ABCA13: variants seen among roughly 807,000 people sequenced by gnomAD.
The protein encoded by ABCA13 is ATP-binding cassette sub-family A member 13.
A neutral mutation model predicts 478.7 loss-of-function variants in ABCA13; 476 were observed. The observed-to-expected ratio is 0.99, with a 90% CI of 0.92 to 1.07. The LOEUF is 1.07. Ranked by LOEUF, ABCA13 falls within the 50% of genes least tolerant of loss-of-function variation. ABCA13 has a pLI of 0.00. For synonymous variants in ABCA13, 2,252 were observed against 2,158.9 expected (o/e 1.04, Z -1.20); for missense variants, 6,060 against 5,910.6 (o/e 1.03, Z -0.83).
At chr7:48,533,096 G>A (rs1833346686) in intron 55 of ABCA13, among the ~76,000 whole-genome samples, 1 of 151,996 alleles carries the variant, frequency 6.6e-6, no homozygotes, top group Non-Finnish European at 1.5e-5. Context: ...TACGTTGGCT[G>A]TTTGTGCTCT....
chr7:48,338,485 C>T (rs1324862823), intron 29 of ABCA13, 30 bp downstream of exon 29: 1 of 1,538,910 alleles, frequency 6.5e-7, no homozygotes, highest in Non-Finnish European at 8.8e-7. Context: ...TGGTAGTGTT[C>T]TTCTGCCCAT....
At chr7:48,219,010 C>T (rs957734267) in intron 3 of ABCA13, among the ~76,000 whole-genome samples, 1 of 152,118 alleles carries the variant, frequency 6.6e-6, no homozygotes, top group East Asian at 1.9e-4. Context: ...ATATCATGTC[C>T]GTACTGTTCA....
intron 43 of ABCA13, among the ~76,000 whole-genome samples, chr7:48,458,528 T>C (rs1320315245): frequency 6.6e-6 from 1 of 152,236 alleles, no homozygotes; most frequent in African/African-American, 2.4e-5. Context: ...GGAAGATACA[T>C]ATAAATCTTA....
chr7:48,280,315 T>C (rs1463947830), intron 18 of ABCA13, among the ~76,000 whole-genome samples: 1 of 152,218 alleles, frequency 6.6e-6, no homozygotes. Flanking sequence ...CAGAAAATTA[T>C]GCTTTCAGTT....
chr7:48,450,749 T>A (rs1824900941), intron 42 of ABCA13, among the ~76,000 whole-genome samples: 1 of 152,120 alleles, frequency 6.6e-6, no homozygotes, highest in Non-Finnish European at 1.5e-5. Context: ...CCTCTCCCAC[T>A]CATTTTACTG....
At chr7:48,292,466 TC>T (rs1211786951) in intron 20 of ABCA13, among the ~76,000 whole-genome samples, 1 of 152,094 alleles carries the variant, frequency 6.6e-6, no homozygotes, top group African/African-American at 2.4e-5. Context: ...TTCCAAAACA[TC>T]ATCAGATGGT....
chr7:48,422,711 G>T (rs914058527), intron 41 of ABCA13, among the ~76,000 whole-genome samples: 1 of 152,228 alleles, frequency 6.6e-6, no homozygotes, highest in African/African-American at 2.4e-5. Context: ...CCCCAGCGAC[G>T]TCCACGTCCT....
intron 59 of ABCA13, among the ~76,000 whole-genome samples, chr7:48,642,632 C>G (rs1022066543): frequency 1.2e-4 from 18 of 152,000 alleles, no homozygotes; most frequent in African/African-American, 4.3e-4. Flanking sequence ...TTTTGGAGGA[C>G]CCCTACATTC....
At chr7:48,172,205 A>C (rs963624783) in intron 1 of ABCA13, among the ~76,000 whole-genome samples, 5 of 152,212 alleles carry the variant, frequency 3.3e-5, no homozygotes, top group African/African-American at 1.2e-4. Context: ...TTTATTCCTG[A>C]TGCCACTATA....
chr7:48,341,099 G>A lies in ABCA13; in HGVS notation c.10204+2644G>A, dbSNP rs115887301. ...TTTTAGTAGTTATAAAACAGTATGA[G>A]GAGATAAATGTTGTTCAGTGCAGAG... is the stretch of plus-strand genomic sequence containing the variant. On this transcript the variant is annotated intron_variant, in intron 29 of 61. Transcript: ENST00000435803. Among the ~76,000 whole-genome samples the A allele has an allele frequency of 3.3e-3, 506 of 152,266 alleles. 5 individuals carry two copies. Among genetic ancestry groups the A allele is most frequent in the African/African-American group, 0.011 (469 of 41,538 alleles).
At chr7:48,373,889 A>G (rs1185594701) in intron 33 of ABCA13, among the ~76,000 whole-genome samples, 1 of 152,238 alleles carries the variant, frequency 6.6e-6, no homozygotes, top group Non-Finnish European at 1.5e-5. Context: ...TCGTTCTAAC[A>G]TAAGACTTCT....
chr7:48,316,717 G>C (rs1351893038), intron 26 of ABCA13, among the ~76,000 whole-genome samples: 1 of 152,216 alleles, frequency 6.6e-6, no homozygotes, highest in Non-Finnish European at 1.5e-5. Flanking sequence ...GCCTCAGGCT[G>C]TTTCCACTCA....
rs1448815475 is a variant in ABCA13, at chr7:48,615,345, A to G, written c.14805A>G (p.Lys4935=). ...CCATAATGGTTAACGGCAGCTTCAA[A>G]TGTCTTGGTTCTCCTCAGCACATCA... The part of the protein sequence containing the change: ...RLAIMVNGSF[K]CLGSPQHIKN... Residue 4935 remains lysine (K), a synonymous_variant, in exon 59 of 62, where the codon AAA becomes AAG. Transcript: ENST00000435803. The G allele has an allele frequency of 6.3e-7, 1 of 1,577,064 alleles. No homozygotes were observed. Among genetic ancestry groups the G allele is most frequent in the Non-Finnish European group, 8.6e-7 (1 of 1,159,930 alleles).
chr7:48,594,118 TCA>T (rs1790043269), intron 57 of ABCA13, among the ~76,000 whole-genome samples: 3 of 152,144 alleles, frequency 2.0e-5, no homozygotes, highest in Admixed American at 2.0e-4. Context: ...TGGGAATGTT[TCA>T]GCCATTATTT....
intron 41 of ABCA13, among the ~76,000 whole-genome samples, chr7:48,415,258 C>A (rs368670277): frequency 2.6e-5 from 4 of 151,996 alleles, no homozygotes; most frequent in South Asian, 4.2e-4. Context: ...CAGAAGGAGG[C>A]GCTGCTTCCA....
intron 15 of ABCA13, among the ~76,000 whole-genome samples, chr7:48,262,304 G>C (rs1268865813): frequency 1.3e-5 from 2 of 151,748 alleles, no homozygotes; most frequent in Admixed American, 1.3e-4. Context: ...GCCTGGCTGG[G>C]GTGATGGAGA....
Position 48,248,313 on chromosome 7 carries a change from G to T in ABCA13, c.1734G>T (p.Trp578Cys), listed in dbSNP as rs745908543. The T allele has an allele frequency of 1.2e-6, 2 of 1,613,882 alleles. No homozygotes were observed. Among genetic ancestry groups the T allele is most frequent in the Admixed American group, 3.3e-5 (2 of 60,014 alleles). The change falls in exon 14 of 62, where the codon TGG (tryptophan) becomes TGT (cysteine). Residue 578 changes from tryptophan (W) to cysteine (C), a missense_variant. This residue lies in a region of ABCA13 where 4,423 missense variants were observed against 4,309.1 expected (regional missense o/e 1.03). Coordinates refer to ENST00000435803, the MANE Select transcript of ABCA13 (RefSeq NM_152701.5). The part of the protein sequence containing the change: ...SVLIPEEYLD[W>C]QELEMQLSEA... ...TAATACCTGAAGAATATTTGGACTG[G>T]CAGGAACTTGAGATGCAGCTGTCAG...
intron 25 of ABCA13, 83 bp from the exon 26 acceptor site, chr7:48,314,149 G>A: frequency 7.1e-7 from 1 of 1,410,712 alleles, no homozygotes; most frequent in East Asian, 2.3e-5. Flanking sequence ...TTCAGTGGAG[G>A]AAGGAACTAG....
Position 48,278,564 on chromosome 7 carries a change from T to TTTTCTTTATAAATAA in ABCA13, c.7373_7387dup (p.Phe2458_Asn2462dup), listed in dbSNP as rs769267846. 6.2e-7 allele frequency: 1 copy of TTTTCTTTATAAATAA among 1,613,826 alleles called. No individual in the cohort carries two copies. Among genetic ancestry groups the TTTTCTTTATAAATAA allele is most frequent in the African/African-American group, 1.3e-5 (1 of 74,932 alleles). ...ATACTTGCTAATCTAACGGATTTGC[T>TTTTCTTTATAAATAA]TTTCTTTATAAATAATTCATTCCCT... On this transcript the variant is annotated inframe_insertion, in exon 18 of 62. Transcript: ENST00000435803.
Sources: gnomAD v4.1 joint callset for allele counts (sites outside exome capture counted in the v4.1 genomes callset) on GRCh38, gnomAD v4.1.1 for gene constraint, gnomAD v4.1.1 regional missense constraint, MANE v1.5 for transcripts, NCBI Gene and HGNC (gene_info 2026-07-23, HGNC 2026-07-21) for gene names.